HS2ST1: variants seen among roughly 807,000 people sequenced by gnomAD.
The protein encoded by HS2ST1 is 2-O-sulfotransferase.
A neutral mutation model predicts 42.9 loss-of-function variants in HS2ST1; 18 were observed. The ratio of observed to expected loss-of-function variants is 0.42; its 90% confidence interval spans 0.29 to 0.62. The LOEUF (loss-of-function observed/expected upper bound fraction) is 0.62, where lower values mean the gene tolerates loss of function less well. HS2ST1 is among the 20% of genes least tolerant of loss of function. HS2ST1 has a pLI of 0.21. For missense variants in HS2ST1, 334 were observed against 433.8 expected (o/e 0.77, Z 2.04); for synonymous variants, 146 against 152.9 (o/e 0.95, Z 0.33).
intron 3 of HS2ST1, 77 bp downstream of exon 3, chr1:87,084,356 G>A: frequency 6.1e-6 from 5 of 818,084 alleles, no homozygotes; most frequent in Non-Finnish European, 9.8e-6. Context: ...TCATTAAATT[G>A]TTATGATTTT....
chr1:87,032,291 T>G (rs1364633431), intron 1 of HS2ST1, among the ~76,000 whole-genome samples: 2 of 152,190 alleles, frequency 1.3e-5, no homozygotes, highest in South Asian at 2.1e-4. Flanking sequence ...ACTTGTAACC[T>G]TTATTTTTGA....
intron 1 of HS2ST1, chr1:87,045,447 C>T (rs1249142331): frequency 1.8e-5 from 22 of 1,252,240 alleles, no homozygotes; most frequent in Non-Finnish European, 2.5e-5. Context: ...TTTTGTTTCA[C>T]TACCTTGTCT....
intron 1 of HS2ST1, among the ~76,000 whole-genome samples, chr1:87,021,304 C>A (rs1162757980): frequency 6.6e-6 from 1 of 152,080 alleles, no homozygotes; most frequent in East Asian, 1.9e-4. Flanking sequence ...GTTCAGAATC[C>A]ATACAGTATT....
Position 87,108,137 on chromosome 1 carries a change from T to G in HS2ST1, c.*3441T>G, listed in dbSNP as rs15436. 2 of 152,110 alleles carry G rather than the reference T, an allele frequency of 1.3e-5. No homozygotes were observed. Among genetic ancestry groups the G allele is most frequent in the South Asian group, 4.1e-4 (2 of 4,828 alleles). The allele number at this position is 152,110 out of a possible 1,614,324, so 9.4% of individuals were successfully genotyped here. ...AGATGACTTGCTTACTGTATTTGCA[T>G]TGTTAGAAAACAGTTTGTAGACAAT... is the stretch of plus-strand genomic sequence containing the variant. On this transcript the variant is annotated 3_prime_UTR_variant, in exon 7 of 7. Coordinates refer to ENST00000370550, the MANE Select transcript of HS2ST1 (RefSeq NM_012262.4).
At chr1:87,023,683 C>T (rs748724125) in intron 1 of HS2ST1, among the ~76,000 whole-genome samples, 3 of 151,906 alleles carry the variant, frequency 2.0e-5, no homozygotes, top group Non-Finnish European at 2.9e-5. Context: ...ATATTAGGTG[C>T]ATGATAAGGA....
rs943023219 is a variant in HS2ST1 at position 87,071,730 on chromosome 1, A to G, written c.125-1204A>G. Among the ~76,000 whole-genome samples, 116 of 115,596 alleles carry G rather than the reference A, an allele frequency of 1.0e-3. 1 individual carries two copies. The highest frequency in any genetic ancestry group is 2.6e-3 in the African/African-American group (51 of 19,980). The allele number at this position is 115,596 out of a possible 152,430, so 75.8% of individuals were successfully genotyped here. Reference sequence around the variant, plus strand: ...GTGACAAAGCGAGACTCTGTCTCCGAAAAAAAAAAAAAAAAAGATGATTTG... The same window carrying G: ...GTGACAAAGCGAGACTCTGTCTCCGGAAAAAAAAAAAAAAAAGATGATTTG... On this transcript the variant is annotated intron_variant, in intron 1 of 6. Transcript: ENST00000370550.
At chr1:87,012,683 C>G (rs935066439) in intron 1 of HS2ST1, among the ~76,000 whole-genome samples, 2 of 152,166 alleles carry the variant, frequency 1.3e-5, no homozygotes, top group African/African-American at 4.8e-5. Context: ...AGCATTAACT[C>G]AGAAGTCTAC....
In HS2ST1 at chr1:87,106,188, A is replaced by T. The variant is rs1224161545; in HGVS notation, c.*1492A>T. 2 of 152,522 alleles carry T rather than the reference A, an allele frequency of 1.3e-5. No individual in the cohort carries two copies. The highest frequency in any genetic ancestry group is 2.9e-5 in the Non-Finnish European group (2 of 67,956). 9.4% of individuals were successfully genotyped at this position (152,522 alleles called of 1,614,324 possible). A position where few individuals can be genotyped will look rare whatever the true frequency, so the allele number is the denominator to read the frequency against. ...AAGTCTGCTTGTAAGCTGGTTGAAA[A>T]AGTTAATCTTGATATAAATTTGTGT... On this transcript the variant is annotated 3_prime_UTR_variant, in exon 7 of 7. Coordinates refer to ENST00000370550, the MANE Select transcript of HS2ST1 (RefSeq NM_012262.4).
chr1:87,007,986 A>G (rs1036739276), intron 1 of HS2ST1, among the ~76,000 whole-genome samples: 2 of 152,134 alleles, frequency 1.3e-5, no homozygotes, highest in African/African-American at 4.8e-5. Flanking sequence ...TTTTATTTGT[A>G]ATTTTTGTGG....
chr1:86,957,767 C>T (rs1395417341), intron 1 of HS2ST1, among the ~76,000 whole-genome samples: 2 of 150,586 alleles, frequency 1.3e-5, no homozygotes, highest in African/African-American at 2.4e-5. Flanking sequence ...AAATCATTAC[C>T]TGGAAGATAT....
At chr1:87,014,505 T>C (rs556030674) in intron 1 of HS2ST1, among the ~76,000 whole-genome samples, 24 of 152,306 alleles carry the variant, frequency 1.6e-4, no homozygotes, top group South Asian at 1.0e-3. Flanking sequence ...CCAAACCATA[T>C]CAGTATTCAT....
intron 1 of HS2ST1, among the ~76,000 whole-genome samples, chr1:87,025,874 A>G (rs1286538788): frequency 6.6e-6 from 1 of 152,126 alleles, no homozygotes. Context: ...AATTTGAAAT[A>G]TTTGCAGTCA....
chr1:87,031,704 C>G (rs1009590368), intron 1 of HS2ST1, among the ~76,000 whole-genome samples: 3 of 152,120 alleles, frequency 2.0e-5, no homozygotes, highest in African/African-American at 7.2e-5. Flanking sequence ...TTTCCTAGTT[C>G]TTAAATTCTG....
rs1219810249 is a variant in HS2ST1, at chr1:87,107,863, G to A, written c.*3167G>A. 1 of 152,004 alleles carries A rather than the reference G, an allele frequency of 6.6e-6. No individual in the cohort carries two copies. Among genetic ancestry groups the A allele is most frequent in the Non-Finnish European group, 1.5e-5 (1 of 67,930 alleles). 9.4% of individuals were successfully genotyped at this position (152,004 alleles called of 1,614,324 possible). ...GATAGCAACACTTAAGATATTGCAT[G>A]GGGATTACTTTCCTATCATCCATAT... is the stretch of plus-strand genomic sequence containing the variant. On this transcript the variant is annotated 3_prime_UTR_variant, in exon 7 of 7. Coordinates refer to ENST00000370550, the MANE Select transcript of HS2ST1 (RefSeq NM_012262.4).
chr1:87,094,772 G>A (rs139164162), intron 4 of HS2ST1, among the ~76,000 whole-genome samples: 3 of 152,122 alleles, frequency 2.0e-5, no homozygotes, highest in African/African-American at 7.2e-5. Context: ...AGCTTTATCT[G>A]TTCTTCACCC....
intron 1 of HS2ST1, among the ~76,000 whole-genome samples, chr1:87,022,155 T>C (rs1649969856): frequency 6.6e-6 from 1 of 152,200 alleles, no homozygotes; most frequent in African/African-American, 2.4e-5. Context: ...GCTGGTATTA[T>C]TAAGTGGAAA....
rs1284501160 is a variant in HS2ST1 at position 87,018,595 on chromosome 1, C to CTT, written c.125-54336_125-54335dup. ...CCAGTGAGACACCACCCATGAATAG[C>CTT]TTTTCATGACGCTCTAAAGGACAGA... On this transcript the variant is annotated intron_variant, in intron 1 of 6. Transcript: ENST00000370550. Among the ~76,000 whole-genome samples the CTT allele has an allele frequency of 2.0e-5, 3 of 152,306 alleles. No homozygotes were observed. The East Asian group carries it at 5.8e-4, about 29-fold the overall frequency.
intron 1 of HS2ST1, among the ~76,000 whole-genome samples, chr1:86,972,362 T>G (rs999259932): frequency 1.3e-5 from 2 of 152,144 alleles, no homozygotes; most frequent in Non-Finnish European, 2.9e-5. Flanking sequence ...TAATTATTTT[T>G]TTTTAAGAGA....
At chr1:86,959,701 A>G (rs1385960569) in intron 1 of HS2ST1, among the ~76,000 whole-genome samples, 1 of 151,820 alleles carries the variant, frequency 6.6e-6, no homozygotes, top group Non-Finnish European at 1.5e-5. Flanking sequence ...TACCATTTAT[A>G]TTAGCACAAA....
Sources: allele counts gnomAD v4.1 joint callset (sites outside exome capture counted in the v4.1 genomes callset), GRCh38; gene constraint gnomAD v4.1.1; transcripts MANE v1.5; gene names NCBI Gene and HGNC (gene_info 2026-07-23, HGNC 2026-07-21).